The following NSD3 variants were observed in gnomAD, a reference collection of about 807,000 sequenced individuals.
NSD3 encodes nuclear receptor binding SET domain protein 3, also known as histone-lysine N-methyltransferase NSD3.
NSD3 carries 24 observed loss-of-function variants against 160.8 expected under a neutral mutation model. The observed-to-expected ratio is 0.15, with a 90% CI of 0.11 to 0.21. The LOEUF (loss-of-function observed/expected upper bound fraction) is 0.21, where lower values mean the gene tolerates loss of function less well. Among genes scored for constraint, NSD3 ranks in the 10% least tolerant of loss-of-function variants. The pLI, the probability that NSD3 is intolerant of heterozygous loss-of-function variation, is 1.00. For synonymous variants in NSD3, 520 were observed against 600.0 expected, an observed-to-expected ratio of 0.87 and a Z score of 1.95; for missense variants, 1,157 against 1,735.9, an observed-to-expected ratio of 0.67 and a Z score of 5.93.
chr8:38,305,781 A>G (rs1449478306), intron 12 of NSD3, among the ~76,000 whole-genome samples: 2 of 152,206 alleles, frequency 1.3e-5, no homozygotes, highest in Admixed American at 6.5e-5. Flanking sequence ...ACCAAAGGAA[A>G]GTCTGATTCC....
chr8:38,308,584 C>T (rs1009274459), intron 12 of NSD3, among the ~76,000 whole-genome samples: 1 of 151,948 alleles, frequency 6.6e-6, no homozygotes, highest in Non-Finnish European at 1.5e-5. Flanking sequence ...TTTGGGAGGC[C>T]GAGGCGGGAG....
intron 15 of NSD3, among the ~76,000 whole-genome samples, chr8:38,297,649 G>A (rs28439472): frequency 0.22 from 33,947 of 151,980 alleles, 4,021 homozygotes; most frequent in East Asian, 0.31. Flanking sequence ...TTAAATCACT[G>A]TATTTCCTCT....
In NSD3 at chr8:38,275,543, G is replaced by C. The variant is rs1460309238; in HGVS notation, c.*98C>G. 2.5e-6 allele frequency: 3 copies of C among 1,219,280 alleles called. No individual in the cohort carries two copies. In the Admixed American group the frequency reaches 8.2e-5, roughly 34 times the overall value. The allele number at this position is 1,219,280 out of a possible 1,614,324, so 75.5% of individuals were successfully genotyped here. A position where few individuals can be genotyped will look rare whatever the true frequency, so the allele number is the denominator to read the frequency against. On this transcript the variant is annotated 3_prime_UTR_variant, in exon 24 of 24. Coordinates refer to ENST00000317025, the MANE Select transcript of NSD3 (RefSeq NM_023034.2). ...ATTTTTGCTTTAATAAGGCAGTTCC[G>C]ATGGCAAAGGCTGTATGCACTGTAG...
In NSD3 at chr8:38,301,428, G is replaced by T. The variant is rs535221339; in HGVS notation, c.2612-1838C>A. 4.5e-4 allele frequency among the ~76,000 whole-genome samples: 68 copies of T among 152,158 alleles called. 2 individuals carry two copies. The South Asian group carries it at 0.012, about 26-fold the overall frequency. On this transcript the variant is annotated intron_variant, in intron 14 of 23. Transcript: ENST00000317025. ...CCCCATCTCTACTAAAAATACAAAAGAATTAGCCAGGCGTGGTGGCACATG... is the reference window on the plus strand; with the variant it reads ...CCCCATCTCTACTAAAAATACAAAATAATTAGCCAGGCGTGGTGGCACATG...
At chr8:38,339,697 G>A (rs1810312302) in intron 2 of NSD3, among the ~76,000 whole-genome samples, 1 of 150,796 alleles carries the variant, frequency 6.6e-6, no homozygotes, top group Admixed American at 6.6e-5. Context: ...CTGCACTCCA[G>A]CCTGGTGACA....
Position 38,275,469 on chromosome 8 carries a change from CA to C in NSD3, c.*171del. ...AGAATCCCAAACCAACCAAATCAAA[CA>C]AAAACCAGACACCACCAACTGCTTC... On this transcript the variant is annotated 3_prime_UTR_variant, in exon 24 of 24. Coordinates refer to ENST00000317025, the MANE Select transcript of NSD3 (RefSeq NM_023034.2). 1.6e-6 allele frequency: 1 copy of C among 628,222 alleles called. No individual in the cohort carries two copies. 38.9% of individuals were successfully genotyped at this position (628,222 alleles called of 1,614,324 possible). A position where few individuals can be genotyped will look rare whatever the true frequency, so the allele number is the denominator to read the frequency against.
chr8:38,275,186 AAC>A lies in NSD3; in HGVS notation c.*453_*454del, dbSNP rs1166061460. Reference sequence around the variant, plus strand: ...AGGGCTTTCTCAGATTCCTACTTAAAACACACACACACTTGATTAGACTATTG... The same window carrying A: ...AGGGCTTTCTCAGATTCCTACTTAAAACACACACACTTGATTAGACTATTG... On this transcript the variant is annotated 3_prime_UTR_variant, in exon 24 of 24. Coordinates refer to ENST00000317025, the MANE Select transcript of NSD3 (RefSeq NM_023034.2). 1.2e-5 allele frequency: 3 copies of A among 242,532 alleles called. No individual in the cohort carries two copies. The highest frequency in any genetic ancestry group is 1.6e-5 in the Non-Finnish European group (2 of 124,278). The allele number at this position is 242,532 out of a possible 1,614,324, so 15.0% of individuals were successfully genotyped here. A position where few individuals can be genotyped will look rare whatever the true frequency, so the allele number is the denominator to read the frequency against.
At chr8:38,341,655 G>A (rs1810369925) in intron 2 of NSD3, among the ~76,000 whole-genome samples, 1 of 152,070 alleles carries the variant, frequency 6.6e-6, no homozygotes, top group African/African-American at 2.4e-5. Context: ...GATACCTGAG[G>A]TTAAAAACGG....
intron 4 of NSD3, 123 bp from the exon 5 acceptor site, chr8:38,331,708 G>C: frequency 1.0e-6 from 1 of 992,260 alleles, no homozygotes; most frequent in South Asian, 1.8e-5. Context: ...TGTTTGGATT[G>C]TCCAAAGATA....
chr8:38,371,243 T>C (rs1199684702), intron 1 of NSD3, among the ~76,000 whole-genome samples: 4 of 152,172 alleles, frequency 2.6e-5, no homozygotes, highest in Non-Finnish European at 5.9e-5. Flanking sequence ...GAATTTTAGA[T>C]AATTTTAATT....
intron 1 of NSD3, among the ~76,000 whole-genome samples, chr8:38,365,708 A>G (rs1285488208): frequency 6.6e-6 from 1 of 152,088 alleles, no homozygotes; most frequent in East Asian, 1.9e-4. Context: ...CCTGACCTCA[A>G]GTGCTGGCAT....
intron 1 of NSD3, among the ~76,000 whole-genome samples, chr8:38,374,261 G>A (rs1033739464): frequency 6.6e-6 from 1 of 152,168 alleles, no homozygotes; most frequent in East Asian, 1.9e-4. Flanking sequence ...CTGGGCAAGA[G>A]AGCAAGACCC....
At chr8:38,349,268 A>T (rs1459889173) in intron 1 of NSD3, among the ~76,000 whole-genome samples, 1 of 152,166 alleles carries the variant, frequency 6.6e-6, no homozygotes, top group East Asian at 1.9e-4. Flanking sequence ...ACTGATCATC[A>T]GTTTCTCACA....
intron 1 of NSD3, among the ~76,000 whole-genome samples, chr8:38,348,685 A>G (rs1339367028): frequency 2.0e-5 from 3 of 152,046 alleles, no homozygotes; most frequent in Non-Finnish European, 4.4e-5. Context: ...TTTTTGAGAC[A>G]GAATCTCACT....
In NSD3 at chr8:38,318,413, T is replaced by C. The variant is rs1304831059; in HGVS notation, c.1855+482A>G. Among the ~76,000 whole-genome samples, 2 of 152,172 alleles carry C rather than the reference T, an allele frequency of 1.3e-5. No individual in the cohort carries two copies. Among genetic ancestry groups the C allele is most frequent in the East Asian group, 1.9e-4 (1 of 5,200 alleles). On this transcript the variant is annotated intron_variant, in intron 9 of 23. Coordinates refer to ENST00000317025, the MANE Select transcript of NSD3 (RefSeq NM_023034.2). The surrounding 1 kb of genome is among the most constrained non-coding windows in gnomAD (Gnocchi z 5.3). Reference sequence around the variant, plus strand: ...AATAGATTCGCATAAGGTCATCTAATAGTGGCCATAAATGCTATGAATCAT... The same window carrying C: ...AATAGATTCGCATAAGGTCATCTAACAGTGGCCATAAATGCTATGAATCAT...
chr8:38,366,937 G>C (rs190198940), intron 1 of NSD3, among the ~76,000 whole-genome samples: 1 of 152,160 alleles, frequency 6.6e-6, no homozygotes, highest in Admixed American at 6.5e-5. Flanking sequence ...CTATTAGACA[G>C]TGCTGATCTA....
intron 19 of NSD3, among the ~76,000 whole-genome samples, chr8:38,282,242 GAC>G (rs1393598922): frequency 6.6e-6 from 1 of 152,120 alleles, no homozygotes; most frequent in Non-Finnish European, 1.5e-5. Context: ...CTGCAATCAA[GAC>G]ACAGAGCTGG....
At chr8:38,276,186 A>G (rs1808598429) in intron 23 of NSD3, 110 bp downstream of exon 23, 3 of 1,263,744 alleles carry the variant, frequency 2.4e-6, no homozygotes, top group South Asian at 2.9e-5. Flanking sequence ...ATTTTTCGCT[A>G]TTGTTTGTTC....
intron 1 of NSD3, among the ~76,000 whole-genome samples, chr8:38,374,731 G>A (rs946726814): frequency 6.6e-6 from 1 of 152,164 alleles, no homozygotes; most frequent in Non-Finnish European, 1.5e-5. Flanking sequence ...TTGCCTGGGC[G>A]CAGTGGCTCA....
Sources: gnomAD v4.1 joint callset for allele counts (sites outside exome capture counted in the v4.1 genomes callset) on GRCh38, gnomAD v4.1.1 for gene constraint, Gnocchi (gnomAD v3.1) non-coding constraint, MANE v1.5 for transcripts, NCBI Gene and HGNC (gene_info 2026-07-23, HGNC 2026-07-21) for gene names.